Variants in IRF1 observed in about 807,000 individuals in gnomAD.
IRF1 encodes interferon regulatory factor-1.
In IRF1, 13 loss-of-function variants were observed where a neutral mutation model predicts 43.7. That is an observed-to-expected ratio of 0.30 (90% CI 0.19 to 0.47). The LOEUF is 0.47. IRF1 is among the 20% of genes least tolerant of loss of function. IRF1 has a pLI of 0.99. For synonymous variants in IRF1, 138 were observed against 146.8 expected (o/e 0.94, Z 0.43); for missense variants, 236 against 408.9 (o/e 0.58, Z 3.65).
chr5:132,486,486 C>T (rs1326244208), intron 6 of IRF1, 71 bp downstream of exon 6: 1 of 1,611,812 alleles, frequency 6.2e-7, no homozygotes, highest in South Asian at 1.1e-5. Flanking sequence ...CATGTGCCAG[C>T]ACCATGCCTC....
chr5:132,483,914 G>C lies in IRF1; in HGVS notation c.*37C>G, dbSNP rs56288038. 2.8e-5 allele frequency: 45 copies of C among 1,609,578 alleles called. No homozygotes were observed. In the East Asian group the frequency reaches 9.6e-4, roughly 34 times the overall value. Reference sequence around the variant, plus strand: ...CATATCCACCATGATGCCAGGTCCTGCTTGCCTAGAGGAATAAGAGGGGCC... The same window carrying C: ...CATATCCACCATGATGCCAGGTCCTCCTTGCCTAGAGGAATAAGAGGGGCC... On this transcript the variant is annotated 3_prime_UTR_variant, in exon 10 of 10. Transcript: ENST00000245414.
rs542236966 is a variant in IRF1 at position 132,489,395 on chromosome 5, A to G, written c.84T>C (p.Asn28=). The change falls in exon 2 of 10, where the codon AAT becomes AAC. Residue 28 remains asparagine, a synonymous_variant. Transcript: ENST00000245414. ...SNQIPGLIWI[N]KEEMIFQIPW... is the part of the protein sequence containing the mutation. ...AAACCCAAAGAGTTACACTCACTTT[A>G]TTAATCCAGATGAGCCCCGGGATTT... 8 of 1,611,418 alleles carry G rather than the reference A, an allele frequency of 5.0e-6. No individual in the cohort carries two copies. In the East Asian group the frequency reaches 1.6e-4, roughly 31 times the overall value.
chr5:132,489,717 A>T (rs1754650767), intron 1 of IRF1: 5 of 465,952 alleles, frequency 1.1e-5, no homozygotes, highest in Non-Finnish European at 2.0e-5. Context: ...CAGTCTCTGG[A>T]GGAGACAGGC....
chr5:132,490,321 G>A lies in IRF1; in HGVS notation c.-6+224C>T, dbSNP rs1031627727. On this transcript the variant is annotated intron_variant, in intron 1 of 9. Coordinates refer to ENST00000245414, the MANE Select transcript of IRF1 (RefSeq NM_002198.3). This position sits in a 1 kb window ranked among gnomAD's most constrained non-coding sequence, Gnocchi z 5.8. ...AGATCTGCGAAAGCTGCCGGGCGCC[G>A]GCAGCCTCGTCCGGGTGGGCGGTCC... The A allele has an allele frequency of 1.3e-5, 2 of 150,808 alleles. No individual in the cohort carries two copies. The highest frequency in any genetic ancestry group is 4.9e-5 in the African/African-American group (2 of 41,208). The allele number at this position is 150,808 out of a possible 1,614,324, so 9.3% of individuals were successfully genotyped here. A position where few individuals can be genotyped will look rare whatever the true frequency, so the allele number is the denominator to read the frequency against.
At chr5:132,484,313 C>G in intron 9 of IRF1, 49 bp downstream of exon 9, 1 of 1,605,978 alleles carries the variant, frequency 6.2e-7, no homozygotes, top group East Asian at 2.2e-5. Flanking sequence ...TCCATCCCTA[C>G]GTGGTTCTCC....
chr5:132,486,089 G>T, intron 7 of IRF1, 162 bp downstream of exon 7: 1 of 931,404 alleles, frequency 1.1e-6, no homozygotes, highest in Non-Finnish European at 1.7e-6. Context: ...TGCCTTCCTA[G>T]TGTCCCCGTC....
Position 132,482,451 on chromosome 5 carries a change from C to G in IRF1, c.*1500G>C, listed in dbSNP as rs1203689541. 1.3e-5 allele frequency: 2 copies of G among 152,034 alleles called. No homozygotes were observed. Among genetic ancestry groups the G allele is most frequent in the African/African-American group, 2.4e-5 (1 of 41,410 alleles). The allele number at this position is 152,034 out of a possible 1,614,324, so 9.4% of individuals were successfully genotyped here. ...GCCAGGATGGTCTTGATCTCCTGAC[C>G]TCGTGATCCGCCCGCCTCTGCCTCC... On this transcript the variant is annotated 3_prime_UTR_variant, in exon 10 of 10. Transcript: ENST00000245414.
intron 1 of IRF1, chr5:132,489,940 GA>G (rs1423210972): frequency 5.8e-6 from 1 of 172,352 alleles, no homozygotes; most frequent in Admixed American, 5.5e-5. Flanking sequence ...CCGCCCCCCT[GA>G]ATCCATTCTA....
At chr5:132,485,352 A>G (rs1754493225) in intron 8 of IRF1, 1 of 344,242 alleles carries the variant, frequency 2.9e-6, no homozygotes, top group Non-Finnish European at 5.5e-6. Flanking sequence ...TTCCCGAACT[A>G]GCAGGGCTGG....
intron 3 of IRF1, 74 bp from the exon 4 acceptor site, chr5:132,487,204 G>A (rs1375578733): frequency 4.1e-6 from 6 of 1,472,688 alleles, no homozygotes; most frequent in African/African-American, 1.4e-5. Flanking sequence ...GCCTGAAGGA[G>A]GAAGGCAAGG....
At position 132,484,282 on chromosome 5, in the gene IRF1, T is replaced by C. The variant is rs1023789195; in HGVS notation, c.853+80A>G. On this transcript the variant is annotated intron_variant, in intron 9 of 9. Coordinates refer to ENST00000245414, the MANE Select transcript of IRF1 (RefSeq NM_002198.3). ...CCAGATGCTTTACCGCCCTGCTCCC[T>C]GGCCCTGCCCCCAAGCTTTCTCCAT... 2.3e-5 allele frequency: 31 copies of C among 1,359,664 alleles called. 1 individual carries two copies. The Middle Eastern group carries it at 5.8e-4, about 25-fold the overall frequency. The allele number at this position is 1,359,664 out of a possible 1,614,324, so 84.2% of individuals were successfully genotyped here.
intron 2 of IRF1, 88 bp from the exon 3 acceptor site, chr5:132,488,113 C>T (rs2126841563): frequency 1.0e-6 from 1 of 973,052 alleles, no homozygotes; most frequent in South Asian, 1.3e-5. Context: ...CCTGCCCAGC[C>T]AGACAGGTCT....
At chr5:132,488,120 G>C in intron 2 of IRF1, 95 bp from the exon 3 acceptor site, 1 of 928,094 alleles carries the variant, frequency 1.1e-6, no homozygotes, top group Non-Finnish European at 1.7e-6. Flanking sequence ...AGCCAGACAG[G>C]TCTGAGAAAA....
At position 132,484,284 on chromosome 5, in the gene IRF1, G is replaced by C; in HGVS notation, c.853+78C>G. The stretch of plus-strand genomic sequence containing the variant: ...AGATGCTTTACCGCCCTGCTCCCTG[G>C]CCCTGCCCCCAAGCTTTCTCCATCC... On this transcript the variant is annotated intron_variant, in intron 9 of 9. Transcript: ENST00000245414. 1.9e-6 allele frequency: 3 copies of C among 1,569,220 alleles called. 1 individual carries two copies. In the South Asian group the frequency reaches 3.4e-5, roughly 18 times the overall value.
chr5:132,484,550 C>A, intron 8 of IRF1, 53 bp from the exon 9 acceptor site: 1 of 1,608,334 alleles, frequency 6.2e-7, no homozygotes, highest in South Asian at 1.1e-5. Flanking sequence ...CAGACTCACC[C>A]TGTGGCCCTG....
intron 2 of IRF1, 184 bp from the exon 3 acceptor site, chr5:132,488,209 C>A: frequency 1.7e-6 from 1 of 580,804 alleles, no homozygotes; most frequent in Non-Finnish European, 3.1e-6. Context: ...CACTCTGGAT[C>A]TCTCAGGAGG....
Position 132,488,041 on chromosome 5 carries a change from A to C in IRF1, c.88-16T>G. On this transcript the variant is annotated splice_polypyrimidine_tract_variant and intron_variant, in intron 2 of 9. Coordinates refer to ENST00000245414, the MANE Select transcript of IRF1 (RefSeq NM_002198.3). ...TCATCTCCTCCTGAACAATACACAC[A>C]TACACATAAGGCTGTGTCAGGTCAG... 1 of 1,574,708 alleles carries C rather than the reference A, an allele frequency of 6.4e-7. No homozygotes were observed. Among genetic ancestry groups the C allele is most frequent in the Non-Finnish European group, 8.7e-7 (1 of 1,145,470 alleles).
intron 2 of IRF1, chr5:132,489,092 T>C: frequency 3.2e-6 from 1 of 313,476 alleles, no homozygotes; most frequent in South Asian, 3.2e-5. Flanking sequence ...CTGTGTATGT[T>C]TGTAAGGGTC....
rs894813372 is a variant in IRF1 at position 132,483,322 on chromosome 5, C to T, written c.*629G>A. 3.3e-5 allele frequency: 5 copies of T among 152,116 alleles called. No homozygotes were observed. The highest frequency in any genetic ancestry group is 9.7e-5 in the African/African-American group (4 of 41,144). The allele number at this position is 152,116 out of a possible 1,614,324, so 9.4% of individuals were successfully genotyped here. On this transcript the variant is annotated 3_prime_UTR_variant, in exon 10 of 10. Coordinates refer to ENST00000245414, the MANE Select transcript of IRF1 (RefSeq NM_002198.3). ...AGCTCGGGGGAAATGTTAGTGTACA[C>T]CTCTGATCAGAAATGTGGCAAGATC...
Sources: allele counts gnomAD v4.1 joint callset, GRCh38; gene constraint gnomAD v4.1.1; non-coding constraint Gnocchi (gnomAD v3.1); transcripts MANE v1.5; gene names NCBI Gene and HGNC (gene_info 2026-07-23, HGNC 2026-07-21).